The following PAX5 variants were observed in gnomAD, a reference collection of about 807,000 sequenced individuals.
PAX5 encodes the protein paired box 5, also known as paired box protein Pax-5.
PAX5 carries 9 observed loss-of-function variants against 43.7 expected under a neutral mutation model. That is an observed-to-expected ratio of 0.21 (90% CI 0.12 to 0.36). The LOEUF (loss-of-function observed/expected upper bound fraction) is 0.36. PAX5 is among the 10% of genes least tolerant of loss of function. The pLI, the probability that PAX5 is intolerant of heterozygous loss-of-function variation, is 1.00. For synonymous variants in PAX5, 228 were observed against 214.3 expected (o/e 1.06, Z -0.56); for missense variants, 383 against 532.7 (o/e 0.72, Z 2.77).
intron 7 of PAX5, among the ~76,000 whole-genome samples, chr9:36,918,408 A>G (rs2131941864): frequency 6.6e-6 from 1 of 152,304 alleles, no homozygotes; most frequent in East Asian, 1.9e-4. Flanking sequence ...TACACCTGTA[A>G]TCCCAGCACT....
At chr9:37,009,042 C>CA (rs1411774405) in intron 3 of PAX5, among the ~76,000 whole-genome samples, 8 of 152,050 alleles carry the variant, frequency 5.3e-5, no homozygotes, top group African/African-American at 1.4e-4. Flanking sequence ...AAATATATGG[C>CA]AAAAAAGTCA....
At chr9:36,862,851 C>T (rs1409108989) in intron 8 of PAX5, among the ~76,000 whole-genome samples, 1 of 152,200 alleles carries the variant, frequency 6.6e-6, no homozygotes, top group East Asian at 1.9e-4. Context: ...CTCTCAGGGT[C>T]TCTTTCGCCT....
intron 7 of PAX5, among the ~76,000 whole-genome samples, chr9:36,908,857 A>T (rs893518611): frequency 6.6e-6 from 1 of 152,244 alleles, no homozygotes; most frequent in Non-Finnish European, 1.5e-5. Flanking sequence ...TATCCTATAA[A>T]TATAAGGTCA....
At chr9:36,942,590 C>A (rs948954595) in intron 6 of PAX5, among the ~76,000 whole-genome samples, 2 of 152,198 alleles carry the variant, frequency 1.3e-5, no homozygotes, top group Non-Finnish European at 2.9e-5. Context: ...TTGTAAGAGT[C>A]GTGCTCAGCT....
chr9:36,995,886 G>C (rs140736926), intron 5 of PAX5, among the ~76,000 whole-genome samples: 50 of 152,156 alleles, frequency 3.3e-4, no homozygotes, highest in African/African-American at 1.0e-3. Context: ...TGTGCTCCCT[G>C]TGCCTCTCTT....
rs560592440 is a variant in PAX5 at position 36,966,467 on chromosome 9, C to T, written c.780+82G>A. 1.8e-5 allele frequency: 27 copies of T among 1,484,610 alleles called. No homozygotes were observed. In the South Asian group the frequency reaches 1.9e-4, roughly 10 times the overall value. 92.0% of individuals were successfully genotyped at this position (1,484,610 alleles called of 1,614,324 possible). ...ACCTGGTGTGCCCTCACCCACACCC[C>T]GCCAGATGCCTCTGCCTTCAGGAAC... On this transcript the variant is annotated intron_variant, in intron 6 of 9. Transcript: ENST00000358127.
At chr9:37,006,593 T>C in intron 3 of PAX5, 56 bp from the exon 4 acceptor site, 1 of 1,394,692 alleles carries the variant, frequency 7.2e-7, no homozygotes, top group African/African-American at 1.4e-5. Flanking sequence ...AGAAGAGACC[T>C]CAACCAGCTA....
At chr9:37,016,386 G>A (rs971208159) in intron 2 of PAX5, among the ~76,000 whole-genome samples, 8 of 152,168 alleles carry the variant, frequency 5.3e-5, no homozygotes, top group Admixed American at 1.3e-4. Context: ...TCAAGCAATC[G>A]GAAAAACCAA....
At position 36,889,312 on chromosome 9, in the gene PAX5, G is replaced by A. The variant is rs150237001; in HGVS notation, c.911-7207C>T. ...AAATGAAGGCTCCCAAGCAGTTGAT[G>A]TACCCAAGGTTGCACGGCTGATAAT... On this transcript the variant is annotated intron_variant, in intron 7 of 9. Coordinates refer to ENST00000358127, the MANE Select transcript of PAX5 (RefSeq NM_016734.3). 2.6e-3 allele frequency among the ~76,000 whole-genome samples: 398 copies of A among 152,302 alleles called. 1 individual carries two copies. The highest frequency in any genetic ancestry group is 9.1e-3 in the African/African-American group (378 of 41,582).
At chr9:36,851,403 A>G (rs1823148896) in intron 8 of PAX5, among the ~76,000 whole-genome samples, 2 of 152,092 alleles carry the variant, frequency 1.3e-5, no homozygotes, top group Non-Finnish European at 2.9e-5. Context: ...CTGCTCACTC[A>G]CACTCAAATG....
At chr9:36,846,820 G>A (rs200660954) in intron 9 of PAX5, 23 bp downstream of exon 9, 121 of 1,590,318 alleles carry the variant, frequency 7.6e-5, no homozygotes, top group East Asian at 5.1e-4. Flanking sequence ...CAAGGGCCCC[G>A]CAGGGCCTCC....
intron 6 of PAX5, among the ~76,000 whole-genome samples, chr9:36,934,511 C>T (rs1021583475): frequency 2.0e-5 from 3 of 152,076 alleles, no homozygotes; most frequent in Non-Finnish European, 4.4e-5. Context: ...TAGGAGTCCT[C>T]GGTATTATTT....
At chr9:36,915,863 A>C (rs892360947) in intron 7 of PAX5, among the ~76,000 whole-genome samples, 8 of 152,098 alleles carry the variant, frequency 5.3e-5, no homozygotes, top group African/African-American at 1.9e-4. Context: ...CTTGAGCCCA[A>C]GAGTTCAAAA....
chr9:36,990,726 C>T (rs542137268), intron 5 of PAX5, among the ~76,000 whole-genome samples: 11 of 152,344 alleles, frequency 7.2e-5, no homozygotes, highest in Non-Finnish European at 1.3e-4. Flanking sequence ...AAACGCTTGC[C>T]ATAAGGCAGG....
At chr9:36,969,296 C>T (rs1258304209) in intron 5 of PAX5, among the ~76,000 whole-genome samples, 2 of 152,240 alleles carry the variant, frequency 1.3e-5, no homozygotes, top group African/African-American at 4.8e-5. Flanking sequence ...AACTCTGCCC[C>T]TCTAGGGGGC....
At chr9:36,933,304 C>T (rs1831276523) in intron 6 of PAX5, among the ~76,000 whole-genome samples, 1 of 152,192 alleles carries the variant, frequency 6.6e-6, no homozygotes. Context: ...CCAAGGACAG[C>T]CAGGAGCTTA....
At chr9:37,009,402 T>C (rs533438895) in intron 3 of PAX5, among the ~76,000 whole-genome samples, 15 of 152,380 alleles carry the variant, frequency 9.8e-5, no homozygotes, top group African/African-American at 3.1e-4. Flanking sequence ...ATTAATGAAT[T>C]ACTTAAAACA....
In PAX5 at chr9:36,947,983, C is replaced by T. The variant is rs532254693; in HGVS notation, c.780+18566G>A. ...CGTGTCTATATCACTGAGACATTCCCTGAGAATGCAAATAATAATAAATAA... is the reference window on the plus strand; with the variant it reads ...CGTGTCTATATCACTGAGACATTCCTTGAGAATGCAAATAATAATAAATAA... On this transcript the variant is annotated intron_variant, in intron 6 of 9. Transcript: ENST00000358127. Among the ~76,000 whole-genome samples the T allele has an allele frequency of 3.3e-5, 5 of 152,280 alleles. No homozygotes were observed. In the South Asian group the frequency reaches 1.0e-3, roughly 32 times the overall value.
At chr9:36,891,464 T>C (rs1465349983) in intron 7 of PAX5, among the ~76,000 whole-genome samples, 4 of 152,260 alleles carry the variant, frequency 2.6e-5, no homozygotes, top group African/African-American at 9.6e-5. Flanking sequence ...GTTGGAAATG[T>C]GTGGCAGTTT....
Sources: allele counts gnomAD v4.1 joint callset (sites outside exome capture counted in the v4.1 genomes callset), GRCh38; gene constraint gnomAD v4.1.1; transcripts MANE v1.5; gene names NCBI Gene and HGNC (gene_info 2026-07-23, HGNC 2026-07-21).